The following SLC8A1 variants were observed in gnomAD, a reference collection of about 807,000 sequenced individuals.
SLC8A1 encodes sodium/calcium exchanger 1.
In SLC8A1, 18 loss-of-function variants were observed where a neutral mutation model predicts 68.3. That is an observed-to-expected ratio of 0.26 (90% confidence interval 0.18 to 0.39). The LOEUF is 0.39. Among genes scored for constraint, SLC8A1 ranks in the 10% least tolerant of loss-of-function variants. SLC8A1 has a pLI of 1.00. For missense variants in SLC8A1, 985 were observed against 1,156.7 expected (o/e 0.85, Z 2.15); for synonymous variants, 475 against 415.5 (o/e 1.14, Z -1.74).
chr2:40,431,311 C>T (rs955596578), intron 1 of SLC8A1, among the ~76,000 whole-genome samples: 6 of 151,904 alleles, frequency 3.9e-5, no homozygotes, highest in Admixed American at 1.3e-4. Context: ...GTCGAGGGTT[C>T]AAGTGACCAA....
At chr2:40,213,809 C>T (rs1015128283) in intron 2 of SLC8A1, among the ~76,000 whole-genome samples, 7 of 152,190 alleles carry the variant, frequency 4.6e-5, no homozygotes, top group East Asian at 3.8e-4. Flanking sequence ...CTGGCAGAAG[C>T]GCTGGGGATA....
intron 2 of SLC8A1, among the ~76,000 whole-genome samples, chr2:40,200,501 C>T (rs1429596838): frequency 6.6e-6 from 1 of 150,442 alleles, no homozygotes; most frequent in African/African-American, 2.4e-5. Flanking sequence ...AAATCAAGGG[C>T]CAGAATCCAT....
At chr2:40,147,633 G>A (rs2042701183) in intron 6 of SLC8A1, among the ~76,000 whole-genome samples, 1 of 152,142 alleles carries the variant, frequency 6.6e-6, no homozygotes, top group African/African-American at 2.4e-5. Context: ...CCTGTAGTGT[G>A]GGAAGCTGAG....
At chr2:40,308,132 T>G (rs1051887121) in intron 2 of SLC8A1, among the ~76,000 whole-genome samples, 14 of 152,312 alleles carry the variant, frequency 9.2e-5, no homozygotes, top group African/African-American at 3.4e-4. Flanking sequence ...AGAGAATTTC[T>G]TGTCCTTAAA....
rs182146592 is a variant in SLC8A1, at chr2:40,248,322, G to A, written c.1809-70467C>T. ...CAGAGGTTGAAATCCTAACTCCCAG[G>A]GTGATGGGATGAGAAGGTGGGTACC... On this transcript the variant is annotated intron_variant, in intron 2 of 7. Transcript: ENST00000406785. Among the ~76,000 whole-genome samples, 288 of 152,182 alleles carry A rather than the reference G, an allele frequency of 1.9e-3. 1 individual carries two copies. The highest frequency in any genetic ancestry group is 2.9e-3 in the Admixed American group (45 of 15,288).
intron 2 of SLC8A1, among the ~76,000 whole-genome samples, chr2:40,357,288 T>G (rs1276190447): frequency 6.6e-6 from 1 of 152,076 alleles, no homozygotes; most frequent in East Asian, 1.9e-4. Flanking sequence ...GCCCAGGAGT[T>G]TGAGACCAGA....
intron 1 of SLC8A1, among the ~76,000 whole-genome samples, chr2:40,509,605 T>A (rs1473381423): frequency 6.6e-6 from 1 of 151,974 alleles, no homozygotes; most frequent in East Asian, 1.9e-4. Flanking sequence ...CTCTTCCCCA[T>A]CGAATCCTCT....
intron 1 of SLC8A1, among the ~76,000 whole-genome samples, chr2:40,489,908 A>G (rs1382044943): frequency 1.3e-5 from 2 of 152,102 alleles, no homozygotes; most frequent in East Asian, 1.9e-4. Flanking sequence ...TTAAGAAGCC[A>G]TTAGTCAGAT....
intron 2 of SLC8A1, among the ~76,000 whole-genome samples, chr2:40,358,932 G>T (rs945220183): frequency 6.6e-5 from 10 of 152,168 alleles, no homozygotes; most frequent in Non-Finnish European, 1.3e-4. Context: ...AGCAGGAGAC[G>T]CTTTGTACCT....
chr2:40,160,945 T>G, intron 5 of SLC8A1, 81 bp from the exon 9 acceptor site: 1 of 971,196 alleles, frequency 1.0e-6, no homozygotes, highest in Non-Finnish European at 1.6e-6. Flanking sequence ...ATTTTGAAAC[T>G]CCAGAGTTAT....
chr2:40,356,057 C>G (rs1231808937), intron 2 of SLC8A1, among the ~76,000 whole-genome samples: 2 of 152,120 alleles, frequency 1.3e-5, no homozygotes, highest in African/African-American at 4.8e-5. Flanking sequence ...CTCTGCCACA[C>G]TCTCCACAAA....
intron 2 of SLC8A1, among the ~76,000 whole-genome samples, chr2:40,269,621 G>T (rs908627261): frequency 6.6e-6 from 1 of 152,124 alleles, no homozygotes; most frequent in Non-Finnish European, 1.5e-5. Flanking sequence ...ATATATTTGG[G>T]TTAATCTGGA....
chr2:40,398,117 C>G (rs150454165), intron 2 of SLC8A1, among the ~76,000 whole-genome samples: 1 of 152,316 alleles, frequency 6.6e-6, no homozygotes, highest in East Asian at 1.9e-4. Context: ...AGTCTTTTAG[C>G]TCTTAAAATA....
chr2:40,380,800 A>G (rs898871733), intron 2 of SLC8A1, among the ~76,000 whole-genome samples: 14 of 152,124 alleles, frequency 9.2e-5, no homozygotes, highest in Admixed American at 8.5e-4. Flanking sequence ...ACCTGGCTAC[A>G]GCTAGATCTG....
At chr2:40,344,578 G>A (rs956966579) in intron 2 of SLC8A1, among the ~76,000 whole-genome samples, 1 of 152,104 alleles carries the variant, frequency 6.6e-6, no homozygotes, top group Non-Finnish European at 1.5e-5. Context: ...AGAGAAAAAT[G>A]TCTGGGAGAA....
At chr2:40,479,816 C>T (rs1704520446) in intron 1 of SLC8A1, among the ~76,000 whole-genome samples, 1 of 152,110 alleles carries the variant, frequency 6.6e-6, no homozygotes, top group South Asian at 2.1e-4. Flanking sequence ...AATATAAGCC[C>T]AGTTAGTATC....
At chr2:40,192,472 T>C (rs758442483) in intron 2 of SLC8A1, among the ~76,000 whole-genome samples, 6 of 152,126 alleles carry the variant, frequency 3.9e-5, no homozygotes, top group Non-Finnish European at 8.8e-5. Context: ...GACAATTTCT[T>C]ATTGAATTTT....
intron 2 of SLC8A1, among the ~76,000 whole-genome samples, chr2:40,253,390 TTTGCAGCAACATGG>T (rs2063321442): frequency 6.6e-6 from 1 of 151,420 alleles, no homozygotes; most frequent in Admixed American, 6.6e-5. Flanking sequence ...AATCCTGTCA[TTTGCAGCAACATGG>T]ATGGAACTGG....
intron 2 of SLC8A1, among the ~76,000 whole-genome samples, chr2:40,256,801 T>A (rs2063999450): frequency 6.6e-6 from 1 of 152,172 alleles, no homozygotes; most frequent in South Asian, 2.1e-4. Context: ...GGGTACTTCC[T>A]GCATCCACAG....
Sources: gnomAD v4.1 joint callset for allele counts (sites outside exome capture counted in the v4.1 genomes callset) on GRCh38, gnomAD v4.1.1 for gene constraint, MANE v1.5 for transcripts, NCBI Gene and HGNC (gene_info 2026-07-23, HGNC 2026-07-21) for gene names.